PCDHA8: variants seen among roughly 807,000 people sequenced by gnomAD.
The protein encoded by PCDHA8 is protocadherin alpha-8.
Under a neutral mutation model 61.8 loss-of-function variants are expected in PCDHA8, and 53 were observed. The observed-to-expected ratio is 0.86, with a 90% CI of 0.69 to 1.08. The LOEUF (loss-of-function observed/expected upper bound fraction) is 1.08, where lower values mean the gene tolerates loss of function less well. Among genes scored for constraint, PCDHA8 ranks in the 50% least tolerant of loss-of-function variants. The pLI, the probability that PCDHA8 is intolerant of heterozygous loss-of-function variation, is 0.00. For missense variants in PCDHA8, 1,293 were observed against 1,245.0 expected, an observed-to-expected ratio of 1.04 and a Z score of -0.58; for synonymous variants, 618 against 556.6, an observed-to-expected ratio of 1.11 and a Z score of -1.55.
intron 1 of PCDHA8, among the ~76,000 whole-genome samples, chr5:140,963,436 T>C (rs148474994): frequency 0.01 from 1,563 of 152,364 alleles, 89 homozygotes; most frequent in Admixed American, 0.092. Context: ...ACTAACTTCA[T>C]ACTCTGTTGC....
At chr5:140,990,025 T>C (rs2097371572) in intron 3 of PCDHA8, among the ~76,000 whole-genome samples, 1 of 151,914 alleles carries the variant, frequency 6.6e-6, no homozygotes, top group African/African-American at 2.4e-5. Flanking sequence ...AGGCAAAGGA[T>C]GGGAGAAGTC....
Position 140,848,448 on chromosome 5 carries a change from T to G in PCDHA8, c.2394+4733T>G, listed in dbSNP as rs2150410519. 45 of 1,511,666 alleles carry G rather than the reference T, an allele frequency of 3.0e-5. 2 individuals carry two copies. The highest frequency in any genetic ancestry group is 3.9e-5 in the Non-Finnish European group (43 of 1,111,010). 93.6% of individuals were successfully genotyped at this position (1,511,666 alleles called of 1,614,324 possible). The stretch of plus-strand genomic sequence containing the variant: ...ACTGACGAAATCAGATGATTTCTTC[T>G]AATTTGGAGGCAATTTTCACTAATT... On this transcript the variant is annotated intron_variant, in intron 1 of 3. Transcript: ENST00000531613.
chr5:140,905,472 C>T (rs782287736), intron 1 of PCDHA8, among the ~76,000 whole-genome samples: 14 of 152,042 alleles, frequency 9.2e-5, no homozygotes, highest in Non-Finnish European at 1.6e-4. Flanking sequence ...TAATGTGATG[C>T]CTTCAGATTT....
In PCDHA8 at chr5:140,913,634, C is replaced by T. The variant is rs145807488; in HGVS notation, c.2395-65315C>T. On this transcript the variant is annotated intron_variant, in intron 1 of 3. Transcript: ENST00000531613. ...TACTAATTTTGGATTCAGTTTGCTG[C>T]TGCTTTTCTAGTTCTTTAAGATGTA... Among the ~76,000 whole-genome samples the T allele has an allele frequency of 8.0e-3, 1,219 of 152,090 alleles. 7 individuals carry two copies. Among genetic ancestry groups the T allele is most frequent in the African/African-American group, 0.019 (785 of 41,506 alleles).
chr5:140,885,287 G>T (rs1224083539), intron 1 of PCDHA8, among the ~76,000 whole-genome samples: 1 of 152,050 alleles, frequency 6.6e-6, no homozygotes, highest in African/African-American at 2.4e-5. Context: ...TACATATATA[G>T]AGAGAGACCT....
intron 1 of PCDHA8, chr5:140,883,600 G>A (rs2059695358): frequency 6.2e-7 from 1 of 1,613,890 alleles, no homozygotes; most frequent in Non-Finnish European, 8.5e-7. Flanking sequence ...TGTCGGTGGG[G>A]GTGGCCGACG....
chr5:140,878,627 T>C (rs2057676475), intron 1 of PCDHA8, among the ~76,000 whole-genome samples: 1 of 152,236 alleles, frequency 6.6e-6, no homozygotes, highest in Non-Finnish European at 1.5e-5. Flanking sequence ...TTACATATTT[T>C]AACTTTCTAT....
rs1780817740 is a variant in PCDHA8 at position 140,847,024 on chromosome 5, AAG to A, written c.2394+3313_2394+3314del. Among the ~76,000 whole-genome samples, 2 of 149,770 alleles carry A rather than the reference AAG, an allele frequency of 1.3e-5. 1 individual carries two copies. Among genetic ancestry groups the A allele is most frequent in the Non-Finnish European group, 3.0e-5 (2 of 66,958 alleles). The stretch of plus-strand genomic sequence containing the variant: ...TTGAGAATGATAGACATTTCTTGGA[AAG>A]AGAAAACATAAGGAAAGTTGAAGAC... On this transcript the variant is annotated intron_variant, in intron 1 of 3. Coordinates refer to ENST00000531613, the MANE Select transcript of PCDHA8 (RefSeq NM_018911.3).
chr5:140,869,778 C>A (rs782226363), intron 1 of PCDHA8: 1 of 1,612,922 alleles, frequency 6.2e-7, no homozygotes, highest in Non-Finnish European at 8.5e-7. Context: ...TTACTGGCAC[C>A]GTTCGGCTGT....
intron 1 of PCDHA8, chr5:140,857,534 C>G: frequency 1.9e-6 from 3 of 1,597,458 alleles, no homozygotes; most frequent in Non-Finnish European, 2.6e-6. Flanking sequence ...TCTGGTGGAG[C>G]GGCGGTTGGG....
chr5:140,862,614 C>G, intron 1 of PCDHA8: 1 of 523,252 alleles, frequency 1.9e-6, no homozygotes, highest in Non-Finnish European at 3.9e-6. Flanking sequence ...TGAAAGGTAA[C>G]AACCCGCGGG....
chr5:140,982,488 G>C lies in PCDHA8; in HGVS notation c.2467G>C (p.Glu823Gln), dbSNP rs782419098. 3 of 1,614,212 alleles carry C rather than the reference G, an allele frequency of 1.9e-6. No individual in the cohort carries two copies. Among genetic ancestry groups the C allele is most frequent in the Non-Finnish European group, 2.5e-6 (3 of 1,180,036 alleles). The change falls in exon 3 of 4, where the codon GAG becomes CAG. Residue 823 changes from glutamate to glutamine, a missense_variant. Glu to Gln is a conservative substitution (Grantham distance 29). Coordinates refer to ENST00000531613, the MANE Select transcript of PCDHA8 (RefSeq NM_018911.3). ...RAGMHSSVHLEEAGILRAGPG... is the reference protein window; with the variant it reads ...RAGMHSSVHLQEAGILRAGPG... The stretch of plus-strand genomic sequence containing the variant: ...GTGTTTATTCAGCTCTGTGCACCTA[G>C]AGGAGGCTGGCATTCTACGGGCTGG...
intron 3 of PCDHA8, among the ~76,000 whole-genome samples, chr5:141,007,395 C>CAAAAAAAAAAAAAAAAAA (rs35800918): frequency 1.1e-5 from 1 of 94,866 alleles, no homozygotes; most frequent in African/African-American, 4.3e-5. Context: ...TACTAAAATA[C>CAAAAAAAAAAAAAAAAAA]AAAAAAAAAA....
intron 1 of PCDHA8, chr5:140,864,197 G>A (rs2048362384): frequency 6.6e-6 from 1 of 152,118 alleles, no homozygotes; most frequent in Non-Finnish European, 1.5e-5. Context: ...ATCCTTATGA[G>A]AAGGTCAAAT....
At chr5:140,869,811 C>T (rs1554163508) in intron 1 of PCDHA8, 10 of 1,612,246 alleles carry the variant, frequency 6.2e-6, no homozygotes, top group African/African-American at 2.7e-5. Context: ...TGGATGTCAA[C>T]GACAATGATC....
intron 1 of PCDHA8, among the ~76,000 whole-genome samples, chr5:140,881,754 A>G (rs1554172477): frequency 6.6e-6 from 1 of 152,212 alleles, no homozygotes; most frequent in African/African-American, 2.4e-5. Context: ...CAGTACCACA[A>G]AAACCTACAT....
chr5:140,967,601 C>A lies in PCDHA8; in HGVS notation c.2395-11348C>A, dbSNP rs782574259. The A allele has an allele frequency of 9.3e-6, 15 of 1,614,144 alleles. No individual in the cohort carries two copies. The highest frequency in any genetic ancestry group is 1.3e-5 in the Non-Finnish European group (15 of 1,180,034). ...ACCCCCAGGCACATTGGTGGTGAAGCTGAATGCCTCAGACCCGGATGAGGG... is the reference window on the plus strand; with the variant it reads ...ACCCCCAGGCACATTGGTGGTGAAGATGAATGCCTCAGACCCGGATGAGGG... On this transcript the variant is annotated intron_variant, in intron 1 of 3. Transcript: ENST00000531613.
Position 140,869,318 on chromosome 5 carries a change from G to C in PCDHA8, c.2394+25603G>C, listed in dbSNP as rs1373742506. ...TTCCGGGTGGCGTCCAAAACACATG[G>C]GGACCTTCTGGAGGTAAATCTGCAG... On this transcript the variant is annotated intron_variant, in intron 1 of 3. Coordinates refer to ENST00000531613, the MANE Select transcript of PCDHA8 (RefSeq NM_018911.3). 3 of 1,613,688 alleles carry C rather than the reference G, an allele frequency of 1.9e-6. No individual in the cohort carries two copies. Among genetic ancestry groups the C allele is most frequent in the Non-Finnish European group, 2.5e-6 (3 of 1,180,020 alleles).
At chr5:140,883,367 G>A (rs782044159) in intron 1 of PCDHA8, 2 of 1,614,124 alleles carry the variant, frequency 1.2e-6, no homozygotes, top group East Asian at 2.2e-5. Context: ...TCAGCCTAGC[G>A]CCATTATTGC....
Sources: gnomAD v4.1 joint callset for allele counts (sites outside exome capture counted in the v4.1 genomes callset) on GRCh38, gnomAD v4.1.1 for gene constraint, MANE v1.5 for transcripts, NCBI Gene and HGNC (gene_info 2026-07-23, HGNC 2026-07-21) for gene names.